RALGAPA1: variants seen among roughly 807,000 people sequenced by gnomAD.
RALGAPA1 encodes ral GTPase-activating protein subunit alpha-1.
RALGAPA1 carries 52 observed loss-of-function variants against 269.6 expected under a neutral mutation model. That is an observed-to-expected ratio of 0.19 (90% confidence interval 0.15 to 0.24). The LOEUF (loss-of-function observed/expected upper bound fraction) is 0.24, where lower values mean the gene tolerates loss of function less well. RALGAPA1 is among the 10% of genes least tolerant of loss of function. The probability of loss-of-function intolerance (pLI) is 1.00; values close to 1 mark genes in which losing one functional copy is unlikely to be tolerated. For missense variants in RALGAPA1, 1,917 were observed against 3,013.9 expected (o/e 0.64, Z 8.52); for synonymous variants, 817 against 1,008.3 (o/e 0.81, Z 3.60).
At chr14:35,748,473 T>A in intron 10 of RALGAPA1, 112 bp downstream of exon 10, 1 of 1,310,268 alleles carries the variant, frequency 7.6e-7, no homozygotes, top group Non-Finnish European at 9.9e-7. Context: ...CTCAGCCTCC[T>A]GAACAACTAC....
Position 35,721,804 on chromosome 14 carries a change from G to A in RALGAPA1, c.2150C>T (p.Ser717Phe). ...AGGCTGATCACGACTCCATCCTCTA[G>A]AAAATGACTTGTCAACTGAAACTTT... ...FQKVSVDKSF[S>F]RGWSRDQPGQ... The change falls in exon 16 of 42, where the codon TCT becomes TTT. Residue 717 changes from serine to phenylalanine, a missense_variant. Around this residue, in one of 11 missense-constraint regions of RALGAPA1, gnomAD observed 125 missense variants for 155.7 expected, o/e 0.80. Transcript: ENST00000680220. 6.2e-7 allele frequency: 1 copy of A among 1,613,390 alleles called. No individual in the cohort carries two copies. The highest frequency in any genetic ancestry group is 8.5e-7 in the Non-Finnish European group (1 of 1,179,468).
At chr14:35,771,765 G>A (rs1330945101) in intron 3 of RALGAPA1, among the ~76,000 whole-genome samples, 18 of 152,026 alleles carry the variant, frequency 1.2e-4, no homozygotes, top group Admixed American at 1.2e-3. Context: ...TTAACTCCCA[G>A]ACTCAAGCAA....
At position 35,775,054 on chromosome 14, in the gene RALGAPA1, A is replaced by G; in HGVS notation, c.219T>C (p.Gly73=). Residue 73 remains glycine, a splice_region_variant and synonymous_variant, in exon 3 of 42, where the codon GGT becomes GGC. Coordinates refer to ENST00000680220, the MANE Select transcript of RALGAPA1 (RefSeq NM_001346249.2). ...CCAATTCCTCTCTTTGAGACTTGTGACCTAAAACATTTTTATAAGAAAACA... is the reference window on the plus strand; with the variant it reads ...CCAATTCCTCTCTTTGAGACTTGTGGCCTAAAACATTTTTATAAGAAAACA... ...VTIEASLKQK[G]HKSQREELDA... 6.6e-7 allele frequency: 1 copy of G among 1,520,042 alleles called. No homozygotes were observed. The highest frequency in any genetic ancestry group is 9.1e-7 in the Non-Finnish European group (1 of 1,103,474). 94.2% of individuals were successfully genotyped at this position (1,520,042 alleles called of 1,614,324 possible).
intron 17 of RALGAPA1, among the ~76,000 whole-genome samples, chr14:35,694,806 A>T (rs1230645777): frequency 6.6e-6 from 1 of 152,100 alleles, no homozygotes; most frequent in Non-Finnish European, 1.5e-5. Flanking sequence ...GCCAGGCGCA[A>T]TGGCTCACAC....
At chr14:35,756,935 T>C (rs375436151) in intron 6 of RALGAPA1, 27 bp from the exon 7 acceptor site, 27 of 1,520,942 alleles carry the variant, frequency 1.8e-5, no homozygotes, top group Non-Finnish European at 2.3e-5. Flanking sequence ...GAATAGTATA[T>C]AGTTACAAAA....
intron 16 of RALGAPA1, 64 bp from the exon 17 acceptor site, chr14:35,700,366 C>A (rs1490202130): frequency 3.1e-6 from 4 of 1,299,468 alleles, no homozygotes; most frequent in South Asian, 1.8e-5. Context: ...ATGAAAGGCT[C>A]GTGTCACAGA....
In RALGAPA1 at chr14:35,665,378, C is replaced by T. The variant is rs540510610; in HGVS notation, c.5203-611G>A. ...ACACTGAACATTTCTTTTTTCTCTT[C>T]TGCCTTCTTACATGCCCACCAAACA... is the stretch of plus-strand genomic sequence containing the variant. On this transcript the variant is annotated intron_variant, in intron 26 of 41. Coordinates refer to ENST00000680220, the MANE Select transcript of RALGAPA1 (RefSeq NM_001346249.2). Among the ~76,000 whole-genome samples, 8 of 152,252 alleles carry T rather than the reference C, an allele frequency of 5.3e-5. 1 individual carries two copies. In the South Asian group the frequency reaches 1.7e-3, roughly 32 times the overall value.
chr14:35,567,246 G>C (rs1312575562), intron 39 of RALGAPA1, among the ~76,000 whole-genome samples: 1 of 152,008 alleles, frequency 6.6e-6, no homozygotes, highest in Non-Finnish European at 1.5e-5. Context: ...TTAAAAACAT[G>C]ATGAAGTAGG....
At chr14:35,634,501 T>C in intron 33 of RALGAPA1, 73 bp downstream of exon 33, 1 of 1,238,160 alleles carries the variant, frequency 8.1e-7, no homozygotes, top group Non-Finnish European at 1.1e-6. Flanking sequence ...CTCCAATATT[T>C]CCACCCATGG....
chr14:35,791,324 A>T (rs528012094), intron 1 of RALGAPA1, among the ~76,000 whole-genome samples: 2 of 152,310 alleles, frequency 1.3e-5, no homozygotes, highest in Admixed American at 6.5e-5. Flanking sequence ...CTTAACGTGC[A>T]AAGTATTTAC....
At position 35,605,727 on chromosome 14, in the gene RALGAPA1, A is replaced by G; in HGVS notation, c.6930-18T>C. On this transcript the variant is annotated intron_variant, in intron 35 of 41. Transcript: ENST00000680220. ...TCTCTCGGCTATAAAACAAAAGATT[A>G]CACCATTAATTTAATCACTATTTTA... 3 of 1,601,654 alleles carry G rather than the reference A, an allele frequency of 1.9e-6. No individual in the cohort carries two copies. The highest frequency in any genetic ancestry group is 2.5e-6 in the Non-Finnish European group (3 of 1,176,914).
Position 35,623,082 on chromosome 14 carries a change from C to CAAA in RALGAPA1, c.6929+2276_6929+2278dup, listed in dbSNP as rs71445949. Among the ~76,000 whole-genome samples the CAAA allele has an allele frequency of 6.2e-3, 555 of 89,862 alleles. 9 individuals carry two copies. Among genetic ancestry groups the CAAA allele is most frequent in the African/African-American group, 0.016 (433 of 27,358 alleles). The allele number at this position is 89,862 out of a possible 152,430, so 59.0% of individuals were successfully genotyped here. A position where few individuals can be genotyped will look rare whatever the true frequency, so the allele number is the denominator to read the frequency against. The stretch of plus-strand genomic sequence containing the variant: ...TGGGCAACAGAGGAAGACTCTGTCT[C>CAAA]AAAAAAAAAAAAAAAAAAATCTAGA... On this transcript the variant is annotated intron_variant, in intron 35 of 41. Coordinates refer to ENST00000680220, the MANE Select transcript of RALGAPA1 (RefSeq NM_001346249.2).
At chr14:35,626,831 T>C (rs2061017787) in intron 34 of RALGAPA1, among the ~76,000 whole-genome samples, 1 of 152,078 alleles carries the variant, frequency 6.6e-6, no homozygotes, top group South Asian at 2.1e-4. Flanking sequence ...ACATGAAGGT[T>C]GAAAAATGAG....
intron 35 of RALGAPA1, among the ~76,000 whole-genome samples, chr14:35,609,739 A>C (rs2059808830): frequency 6.6e-6 from 1 of 151,950 alleles, no homozygotes; most frequent in African/African-American, 2.4e-5. Flanking sequence ...CCTGGGCAAC[A>C]CAGAGAGACC....
intron 31 of RALGAPA1, among the ~76,000 whole-genome samples, chr14:35,650,836 C>T (rs923747007): frequency 2.0e-5 from 3 of 152,068 alleles, no homozygotes; most frequent in Non-Finnish European, 4.4e-5. Context: ...TCTAGAGCAG[C>T]CTTGTCTAAC....
intron 12 of RALGAPA1, among the ~76,000 whole-genome samples, chr14:35,735,369 C>T (rs1483285946): frequency 6.6e-6 from 1 of 152,164 alleles, no homozygotes; most frequent in East Asian, 1.9e-4. Context: ...CAATGGAATA[C>T]TATTCAGCCA....
intron 14 of RALGAPA1, 141 bp from the exon 15 acceptor site, chr14:35,723,405 G>A: frequency 1.9e-6 from 1 of 521,770 alleles, no homozygotes; most frequent in Non-Finnish European, 3.4e-6. Context: ...AATACTACTT[G>A]TAAAAGCAAT....
chr14:35,756,131 G>T (rs1470504118), intron 7 of RALGAPA1, among the ~76,000 whole-genome samples: 1 of 152,148 alleles, frequency 6.6e-6, no homozygotes, highest in Non-Finnish European at 1.5e-5. Context: ...TATCACAACT[G>T]CTGATCACAA....
intron 22 of RALGAPA1, chr14:35,677,439 C>T (rs2065043386): frequency 5.2e-5 from 8 of 153,494 alleles, no homozygotes; most frequent in Non-Finnish European, 7.2e-5. Flanking sequence ...ACTTAGGTTT[C>T]CCAAGTCACT....
Sources: gnomAD v4.1 joint callset for allele counts (sites outside exome capture counted in the v4.1 genomes callset) on GRCh38, gnomAD v4.1.1 for gene constraint, gnomAD v4.1.1 regional missense constraint, MANE v1.5 for transcripts, NCBI Gene and HGNC (gene_info 2026-07-23, HGNC 2026-07-21) for gene names.